The following CNTNAP2 variants were observed in gnomAD, a reference collection of about 807,000 sequenced individuals.
CNTNAP2 encodes the protein contactin associated protein 2.
CNTNAP2 carries 98 observed loss-of-function variants against 155.2 expected under a neutral mutation model. That is an observed-to-expected ratio of 0.63 (90% CI 0.54 to 0.75). The LOEUF (loss-of-function observed/expected upper bound fraction) is 0.75. Among genes scored for constraint, CNTNAP2 ranks in the 30% least tolerant of loss-of-function variants. The pLI, the probability that CNTNAP2 is intolerant of heterozygous loss-of-function variation, is 0.00. For synonymous variants in CNTNAP2, 651 were observed against 631.2 expected (o/e 1.03, Z -0.47); for missense variants, 1,727 against 1,688.1 (o/e 1.02, Z -0.40).
intron 3 of CNTNAP2, among the ~76,000 whole-genome samples, chr7:146,912,408 T>C (rs1486670061): frequency 6.6e-6 from 1 of 152,022 alleles, no homozygotes; most frequent in Non-Finnish European, 1.5e-5. Flanking sequence ...ATTGGAAAAT[T>C]ACATTTTTTA....
chr7:146,696,186 A>T (rs1800779901), intron 1 of CNTNAP2, among the ~76,000 whole-genome samples: 1 of 152,196 alleles, frequency 6.6e-6, no homozygotes, highest in African/African-American at 2.4e-5. Flanking sequence ...TCTTTTGAAA[A>T]GTAACTAATT....
chr7:146,724,561 CTTTTTTT>C (rs1000613503), intron 1 of CNTNAP2, among the ~76,000 whole-genome samples: 10 of 65,602 alleles, frequency 1.5e-4, no homozygotes, highest in Non-Finnish European at 2.6e-4. Flanking sequence ...TAAATCTAAA[CTTTTTTT>C]TTTTTTTTTT....
At chr7:147,988,713 T>A (rs1801662313) in intron 15 of CNTNAP2, among the ~76,000 whole-genome samples, 1 of 152,132 alleles carries the variant, frequency 6.6e-6, no homozygotes, top group South Asian at 2.1e-4. Flanking sequence ...AGAAACAGCA[T>A]CCCCAGATGC....
At chr7:147,881,129 T>C (rs1799513460) in intron 13 of CNTNAP2, among the ~76,000 whole-genome samples, 1 of 152,090 alleles carries the variant, frequency 6.6e-6, no homozygotes, top group South Asian at 2.1e-4. Context: ...TTCCATGAAT[T>C]TAAAAATGAG....
chr7:146,833,049 G>A (rs934306315), intron 2 of CNTNAP2, among the ~76,000 whole-genome samples: 10 of 152,024 alleles, frequency 6.6e-5, no homozygotes, highest in African/African-American at 2.4e-4. Context: ...TTCCTCAGAT[G>A]AGTTTATTTT....
chr7:147,570,373 T>A (rs1329887219), intron 12 of CNTNAP2, among the ~76,000 whole-genome samples: 1 of 152,198 alleles, frequency 6.6e-6, no homozygotes, highest in Non-Finnish European at 1.5e-5. Context: ...AACCTTTATT[T>A]CTACCTTTTG....
chr7:146,254,942 A>G (rs1799815340), intron 1 of CNTNAP2, among the ~76,000 whole-genome samples: 1 of 152,162 alleles, frequency 6.6e-6, no homozygotes, highest in African/African-American at 2.4e-5. Context: ...AATTGGAAAC[A>G]ATTTTTAAAG....
At chr7:146,833,360 T>C (rs1803552516) in intron 2 of CNTNAP2, among the ~76,000 whole-genome samples, 1 of 152,138 alleles carries the variant, frequency 6.6e-6, no homozygotes, top group Admixed American at 6.6e-5. Context: ...GTCTCTCTCT[T>C]TCTGGTCTCT....
rs1797686915 is a variant in CNTNAP2, at chr7:147,783,345, T to G, written c.2099-120220T>G. On this transcript the variant is annotated intron_variant, in intron 13 of 23. Coordinates refer to ENST00000361727, the MANE Select transcript of CNTNAP2 (RefSeq NM_014141.6). ...TTGTTTGTGAATTTGCAAGCACATT[T>G]TAAGTTTTCCATTTAAGAATAAGTT... 2.0e-5 allele frequency among the ~76,000 whole-genome samples: 3 copies of G among 152,206 alleles called. No homozygotes were observed. The South Asian group carries it at 6.2e-4, about 31-fold the overall frequency.
intron 3 of CNTNAP2, among the ~76,000 whole-genome samples, chr7:146,865,104 G>A (rs1163188811): frequency 6.6e-6 from 1 of 150,790 alleles, no homozygotes. Context: ...TTTGTAAAAG[G>A]AATACCATTT....
chr7:148,082,282 T>G (rs985448846), intron 15 of CNTNAP2, among the ~76,000 whole-genome samples: 10 of 152,186 alleles, frequency 6.6e-5, no homozygotes, highest in African/African-American at 2.2e-4. Context: ...ACAATACTTG[T>G]ATTTTGGCCC....
chr7:146,246,889 G>A lies in CNTNAP2; in HGVS notation c.97+129916G>A, dbSNP rs535632864. Among the ~76,000 whole-genome samples, 10 of 152,306 alleles carry A rather than the reference G, an allele frequency of 6.6e-5. No homozygotes were observed. The South Asian group carries it at 1.7e-3, about 25-fold the overall frequency. The stretch of plus-strand genomic sequence containing the variant: ...TTCTGGAGGAACGCCTGGTCGCTGC[G>A]TTTCAGATGTTTGGAAGTTCTTGTG... On this transcript the variant is annotated intron_variant, in intron 1 of 23. Coordinates refer to ENST00000361727, the MANE Select transcript of CNTNAP2 (RefSeq NM_014141.6).
At chr7:148,359,316 G>A (rs1798577126) in intron 21 of CNTNAP2, among the ~76,000 whole-genome samples, 1 of 152,206 alleles carries the variant, frequency 6.6e-6, no homozygotes, top group Non-Finnish European at 1.5e-5. Context: ...CACATAACTA[G>A]TACTTGCTAC....
intron 1 of CNTNAP2, among the ~76,000 whole-genome samples, chr7:146,275,340 A>G (rs949815567): frequency 6.6e-5 from 10 of 152,208 alleles, no homozygotes; most frequent in Admixed American, 6.5e-4. Flanking sequence ...CCATGAATAG[A>G]GGAAGGATTC....
intron 9 of CNTNAP2, among the ~76,000 whole-genome samples, chr7:147,374,850 C>T (rs1465170250): frequency 1.3e-5 from 2 of 151,982 alleles, no homozygotes; most frequent in East Asian, 1.9e-4. Context: ...TGTTACTATA[C>T]ACTCAGTAAT....
chr7:146,180,379 TTTTAA>T (rs551991783), intron 1 of CNTNAP2, among the ~76,000 whole-genome samples: 54 of 146,876 alleles, frequency 3.7e-4, no homozygotes, highest in South Asian at 1.5e-3. Context: ...TTTTCCTTCC[TTTTAA>T]TTTATTTTTT....
intron 3 of CNTNAP2, among the ~76,000 whole-genome samples, chr7:146,931,206 T>C (rs1259974378): frequency 6.6e-6 from 1 of 151,890 alleles, no homozygotes; most frequent in African/African-American, 2.4e-5. Context: ...CCTCAGCAAA[T>C]GTAAAAGAAC....
chr7:146,769,947 G>A (rs1459142380), intron 1 of CNTNAP2, among the ~76,000 whole-genome samples: 1 of 152,052 alleles, frequency 6.6e-6, no homozygotes, highest in Non-Finnish European at 1.5e-5. Context: ...CTATTTTGGG[G>A]TTTTCAGAGC....
At chr7:146,919,024 C>G (rs749731729) in intron 3 of CNTNAP2, among the ~76,000 whole-genome samples, 1 of 152,126 alleles carries the variant, frequency 6.6e-6, no homozygotes, top group Non-Finnish European at 1.5e-5. Flanking sequence ...CCTTCATTTC[C>G]AGAAGCTGTG....
Sources: gnomAD v4.1 joint callset for allele counts (sites outside exome capture counted in the v4.1 genomes callset) on GRCh38, gnomAD v4.1.1 for gene constraint, MANE v1.5 for transcripts, NCBI Gene and HGNC (gene_info 2026-07-23, HGNC 2026-07-21) for gene names.